RASSF6: variants seen among roughly 807,000 people sequenced by gnomAD.
The protein encoded by RASSF6 is Ras association domain family member 6, also known as ras association domain-containing protein 6.
RASSF6 carries 52 observed loss-of-function variants against 44.0 expected under a neutral mutation model. That is an observed-to-expected ratio of 1.18 (90% CI 0.95 to 1.49). The LOEUF is 1.49. RASSF6 is among the 40% of genes most tolerant of loss of function. The pLI is 0.00. For missense variants in RASSF6, 464 were observed against 393.3 expected (o/e 1.18, Z -1.52); for synonymous variants, 162 against 124.6 (o/e 1.30, Z -2.00).
At chr4:73,579,879 A>T (rs948659858) in intron 8 of RASSF6, among the ~76,000 whole-genome samples, 1 of 151,298 alleles carries the variant, frequency 6.6e-6, no homozygotes, top group African/African-American at 2.4e-5. Flanking sequence ...TTTTATTTTT[A>T]TTATTATTAT....
intron 3 of RASSF6, among the ~76,000 whole-genome samples, chr4:73,597,755 A>G (rs1366369428): frequency 6.6e-6 from 1 of 152,238 alleles, no homozygotes; most frequent in Non-Finnish European, 1.5e-5. Context: ...GATAAAGAAA[A>G]TGTGGTACAT....
At chr4:73,596,421 A>G (rs1724948343) in intron 3 of RASSF6, among the ~76,000 whole-genome samples, 1 of 152,230 alleles carries the variant, frequency 6.6e-6, no homozygotes, top group Non-Finnish European at 1.5e-5. Flanking sequence ...CTAACAAGGG[A>G]AGTGAAAGAT....
rs755858735 is a variant in RASSF6 at position 73,593,513 on chromosome 4, T to G, written c.225A>C (p.Gln75His). ...TAAAAGAAGAGAATGGCTTCTCATC[T>G]TGTATTTTTAGCTGTATAGGTCGTT... ...GVKRPIQLKIQDEKPFSSFTS... is the reference protein window; with the variant it reads ...GVKRPIQLKIHDEKPFSSFTS... The change falls in exon 4 of 11, where the codon CAA (glutamine) becomes CAC (histidine). Residue 75 changes from glutamine to histidine, a missense_variant. Transcript: ENST00000307439. 54 of 1,613,722 alleles carry G rather than the reference T, an allele frequency of 3.3e-5. No individual in the cohort carries two copies. The South Asian group carries it at 5.7e-4, about 17-fold the overall frequency.
At chr4:73,585,555 C>T (rs1724023642) in intron 5 of RASSF6, among the ~76,000 whole-genome samples, 191 bp from the exon 6 acceptor site, 1 of 152,026 alleles carries the variant, frequency 6.6e-6, no homozygotes, top group South Asian at 2.1e-4. Context: ...CAAATTCTGC[C>T]AGTATCTCAT....
At position 73,612,202 on chromosome 4, in the gene RASSF6, C is replaced by T. The variant is rs1053374670; in HGVS notation, c.-34-373G>A. 2.0e-5 allele frequency among the ~76,000 whole-genome samples: 3 copies of T among 152,096 alleles called. No homozygotes were observed. The South Asian group carries it at 6.2e-4, about 32-fold the overall frequency. On this transcript the variant is annotated intron_variant, in intron 1 of 10. Coordinates refer to ENST00000307439, the MANE Select transcript of RASSF6 (RefSeq NM_177532.5). ...AGCAGAAGACAACTGCAATTCTAGG[C>T]AGCTAAAATCAAGCTCTGACTTGAA...
At chr4:73,585,900 G>A (rs1430225065) in intron 5 of RASSF6, among the ~76,000 whole-genome samples, 1 of 150,650 alleles carries the variant, frequency 6.6e-6, no homozygotes, top group Admixed American at 6.6e-5. Flanking sequence ...AGTTACATAT[G>A]TATACATGTG....
chr4:73,615,777 G>T (rs1253392324), intron 1 of RASSF6: 1 of 813,474 alleles, frequency 1.2e-6, no homozygotes, highest in Non-Finnish European at 2.0e-6. Flanking sequence ...ATGAGATCTG[G>T]ATGGAGCCTG....
intron 2 of RASSF6, among the ~76,000 whole-genome samples, chr4:73,605,889 A>G (rs895709698): frequency 6.6e-6 from 1 of 152,030 alleles, no homozygotes; most frequent in Admixed American, 6.5e-5. Context: ...GCATTTTTTC[A>G]TGTTTGTTGG....
At chr4:73,619,660 T>C (rs375616106) in intron 1 of RASSF6, among the ~76,000 whole-genome samples, 1 of 152,318 alleles carries the variant, frequency 6.6e-6, no homozygotes, top group South Asian at 2.1e-4. Context: ...GGCAAACTAA[T>C]AAGTGGCAAA....
At position 73,587,920 on chromosome 4, in the gene RASSF6, C is replaced by T. The variant is rs765743192; in HGVS notation, c.302G>A (p.Gly101Glu). 3.4e-5 allele frequency: 54 copies of T among 1,606,518 alleles called. No homozygotes were observed. Among genetic ancestry groups the T allele is most frequent in the South Asian group, 2.2e-5 (2 of 90,608 alleles). The change falls in exon 5 of 11, where the codon GGG becomes GAG. Residue 101 changes from glycine (G) to glutamate (E), a missense_variant. Transcript: ENST00000307439. ...AATACGATAGAGATCGTCAAATTCC[C>T]CCCAGCGTGTCATTCTGAGAAGTAA... ...VFSSKGMTRW[G>E]EFDDLYRISE...
At chr4:73,586,383 T>C (rs886412227) in intron 5 of RASSF6, among the ~76,000 whole-genome samples, 6 of 152,060 alleles carry the variant, frequency 3.9e-5, no homozygotes, top group Non-Finnish European at 8.8e-5. Flanking sequence ...AATTATAGTG[T>C]AGCGTTGAAC....
chr4:73,597,898 A>G (rs1285433455), intron 3 of RASSF6, among the ~76,000 whole-genome samples: 1 of 152,164 alleles, frequency 6.6e-6, no homozygotes, highest in Non-Finnish European at 1.5e-5. Flanking sequence ...TTTCACTTAT[A>G]AGTGGGAGCT....
At chr4:73,616,759 G>A (rs1367882094) in intron 1 of RASSF6, among the ~76,000 whole-genome samples, 1 of 152,162 alleles carries the variant, frequency 6.6e-6, no homozygotes, top group Non-Finnish European at 1.5e-5. Context: ...TATGTTAAGG[G>A]CTGTACACAC....
intron 8 of RASSF6, among the ~76,000 whole-genome samples, chr4:73,580,547 T>A (rs1448418138): frequency 1.3e-5 from 2 of 150,944 alleles, no homozygotes; most frequent in African/African-American, 2.4e-5. Flanking sequence ...GTTTCCTGAC[T>A]TTTTAATGAT....
rs568771711 is a variant in RASSF6 at position 73,596,639 on chromosome 4, T to C, written c.144+2001A>G. Among the ~76,000 whole-genome samples, 290 of 152,270 alleles carry C rather than the reference T, an allele frequency of 1.9e-3. 2 individuals carry two copies. The highest frequency in any genetic ancestry group is 6.5e-3 in the African/African-American group (272 of 41,558). ...AGAAAAAACTATTTTAAAATTCATA[T>C]GAATCCAAAACAGCCTGAATAGCCA... On this transcript the variant is annotated intron_variant, in intron 3 of 10. Transcript: ENST00000307439.
At chr4:73,580,200 A>G (rs1030655435) in intron 8 of RASSF6, among the ~76,000 whole-genome samples, 1 of 151,652 alleles carries the variant, frequency 6.6e-6, no homozygotes, top group Non-Finnish European at 1.5e-5. Context: ...AAGGACATGA[A>G]CTCATCATTT....
At chr4:73,597,446 T>A (rs1433378414) in intron 3 of RASSF6, among the ~76,000 whole-genome samples, 1 of 152,188 alleles carries the variant, frequency 6.6e-6, no homozygotes, top group African/African-American at 2.4e-5. Flanking sequence ...CCAGTCAGAA[T>A]GTCTATTATT....
chr4:73,601,851 T>C lies in RASSF6; in HGVS notation c.66-3133A>G, dbSNP rs369241512. 2.0e-4 allele frequency among the ~76,000 whole-genome samples: 31 copies of C among 152,344 alleles called. No individual in the cohort carries two copies. The South Asian group carries it at 6.4e-3, about 32-fold the overall frequency. ...AGGTGAAGAATTACTGTTAAGTTGA[T>C]CATCTGTGTCTATTCACATTACACC... is the stretch of plus-strand genomic sequence containing the variant. On this transcript the variant is annotated intron_variant, in intron 2 of 10. Coordinates refer to ENST00000307439, the MANE Select transcript of RASSF6 (RefSeq NM_177532.5).
intron 4 of RASSF6, 87 bp downstream of exon 4, chr4:73,593,364 T>A: frequency 7.8e-7 from 1 of 1,283,672 alleles, no homozygotes; most frequent in Middle Eastern, 2.0e-4. Flanking sequence ...TTACACAAGC[T>A]TAAGTTTCCC....
Sources: allele counts gnomAD v4.1 joint callset (sites outside exome capture counted in the v4.1 genomes callset), GRCh38; gene constraint gnomAD v4.1.1; transcripts MANE v1.5; gene names NCBI Gene and HGNC (gene_info 2026-07-23, HGNC 2026-07-21).